TENM3: variants seen among roughly 807,000 people sequenced by gnomAD.
TENM3 encodes teneurin-3.
A neutral mutation model predicts 255.1 loss-of-function variants in TENM3; 63 were observed. The observed-to-expected ratio is 0.25, with a 90% CI of 0.20 to 0.30. The LOEUF is 0.30. Among genes scored for constraint, TENM3 ranks in the 10% least tolerant of loss-of-function variants. The pLI is 1.00. For missense variants in TENM3, 2,929 were observed against 3,461.1 expected, an observed-to-expected ratio of 0.85 and a Z score of 3.86; for synonymous variants, 1,306 against 1,322.3, an observed-to-expected ratio of 0.99 and a Z score of 0.27.
the TENM3 span, among the ~76,000 whole-genome samples, chr4:181,597,633 C>T: frequency 9.9e-5 from 15 of 151,938 alleles, no homozygotes; most frequent in African/African-American, 3.4e-4. Context: ...ACTGAGTCTC[C>T]CTGGAGAAGG....
chr4:182,622,266 C>T (rs192700194), intron 4 of TENM3, among the ~76,000 whole-genome samples: 1 of 151,980 alleles, frequency 6.6e-6, no homozygotes, highest in Admixed American at 6.6e-5. Flanking sequence ...GGCTGAGGCT[C>T]CTCCCAGGAG....
At chr4:181,843,253 G>A in the TENM3 span, among the ~76,000 whole-genome samples, 1 of 152,050 alleles carries the variant, frequency 6.6e-6, no homozygotes, top group Non-Finnish European at 1.5e-5. Flanking sequence ...GTGATATTAA[G>A]GTAAAAATGA....
chr4:181,802,221 T>C, the TENM3 span, among the ~76,000 whole-genome samples: 24 of 152,324 alleles, frequency 1.6e-4, no homozygotes, highest in African/African-American at 4.6e-4. Context: ...TGGGTACTAT[T>C]ATGGCTATTG....
At chr4:181,638,618 A>G in the TENM3 span, among the ~76,000 whole-genome samples, 5 of 152,146 alleles carry the variant, frequency 3.3e-5, no homozygotes, top group Non-Finnish European at 7.4e-5. Flanking sequence ...GAGCAGAGAG[A>G]TTTGCTCTTT....
chr4:181,675,259 T>C, the TENM3 span, among the ~76,000 whole-genome samples: 1 of 152,230 alleles, frequency 6.6e-6, no homozygotes, highest in African/African-American at 2.4e-5. Context: ...TCATTTATAT[T>C]TTATAAACTG....
chr4:181,545,341 G>A, the TENM3 span, among the ~76,000 whole-genome samples: 1 of 152,224 alleles, frequency 6.6e-6, no homozygotes, highest in East Asian at 1.9e-4. Flanking sequence ...ACTTTTACTA[G>A]TCCGTGGTTT....
intron 1 of TENM3, among the ~76,000 whole-genome samples, chr4:182,213,862 C>T (rs551034807): frequency 4.3e-4 from 65 of 152,148 alleles, no homozygotes; most frequent in Middle Eastern, 6.8e-3. Flanking sequence ...AGTGCAGTGG[C>T]GCGATCTCGG....
intron 3 of TENM3, chr4:182,449,085 T>G (rs1389020214): frequency 1.6e-5 from 4 of 247,028 alleles, no homozygotes; most frequent in South Asian, 9.8e-5. Context: ...CGCGGCAAGG[T>G]GGGTGAGCGG....
chr4:181,468,111 C>T, the TENM3 span, among the ~76,000 whole-genome samples: 1 of 139,460 alleles, frequency 7.2e-6, no homozygotes, highest in Non-Finnish European at 1.5e-5. Flanking sequence ...GCCTGGGCAT[C>T]ACAGGGAGAC....
chr4:182,677,486 C>A (rs1381152595), intron 7 of TENM3, among the ~76,000 whole-genome samples: 3 of 152,106 alleles, frequency 2.0e-5, no homozygotes, highest in African/African-American at 7.2e-5. Flanking sequence ...TGTCTCTTTG[C>A]CATGCAAATG....
chr4:181,885,427 T>A, the TENM3 span, among the ~76,000 whole-genome samples: 3 of 152,174 alleles, frequency 2.0e-5, no homozygotes, highest in African/African-American at 7.2e-5. Context: ...CACACCCGGC[T>A]AATTTTTATA....
chr4:181,846,711 A>C, the TENM3 span, among the ~76,000 whole-genome samples: 1 of 152,074 alleles, frequency 6.6e-6, no homozygotes, highest in Non-Finnish European at 1.5e-5. Flanking sequence ...AATATTTATT[A>C]ATTGACCACT....
chr4:181,920,670 C>T, the TENM3 span, among the ~76,000 whole-genome samples: 2 of 151,574 alleles, frequency 1.3e-5, no homozygotes, highest in Non-Finnish European at 2.9e-5. Context: ...AAATTTTCTC[C>T]CATTTTGTAG....
At chr4:182,213,639 T>C (rs899394177) in intron 1 of TENM3, among the ~76,000 whole-genome samples, 1 of 152,184 alleles carries the variant, frequency 6.6e-6, no homozygotes, top group African/African-American at 2.4e-5. Flanking sequence ...TATGAAGACA[T>C]ATTTAATGTC....
At chr4:182,278,543 G>C (rs1336295498) in intron 1 of TENM3, among the ~76,000 whole-genome samples, 1 of 151,858 alleles carries the variant, frequency 6.6e-6, no homozygotes, top group Admixed American at 6.6e-5. Flanking sequence ...GCTTTGGTTG[G>C]TATGATGATG....
At chr4:181,522,863 T>G in the TENM3 span, 1 of 987,036 alleles carries the variant, frequency 1.0e-6, no homozygotes, top group Non-Finnish European at 1.6e-6. Flanking sequence ...AAGCTGGTGT[T>G]TGTGCTGTTA....
At chr4:181,494,212 G>T in the TENM3 span, among the ~76,000 whole-genome samples, 1 of 152,184 alleles carries the variant, frequency 6.6e-6, no homozygotes. Flanking sequence ...AGTGGTCCAT[G>T]AATTTTGTTC....
At chr4:181,522,822 A>G in the TENM3 span, 1 of 905,612 alleles carries the variant, frequency 1.1e-6, no homozygotes, top group Non-Finnish European at 1.8e-6. Flanking sequence ...TGTTGATAGA[A>G]ATGCACCTGA....
At chr4:181,843,485 C>T in the TENM3 span, among the ~76,000 whole-genome samples, 2 of 152,166 alleles carry the variant, frequency 1.3e-5, no homozygotes, top group Admixed American at 6.5e-5. Flanking sequence ...ATTTGAGTCT[C>T]ATCTTTTAGG....
Sources: allele counts gnomAD v4.1 joint callset (sites outside exome capture counted in the v4.1 genomes callset), GRCh38; gene constraint gnomAD v4.1.1; transcripts MANE v1.5; gene names NCBI Gene and HGNC (gene_info 2026-07-23, HGNC 2026-07-21).